The following SEPTIN4 variants were observed in gnomAD, a reference collection of about 807,000 sequenced individuals.
SEPTIN4 encodes the protein septin-4.
SEPTIN4 carries 52 observed loss-of-function variants against 107.1 expected under a neutral mutation model. The ratio of observed to expected loss-of-function variants is 0.49; its 90% CI spans 0.39 to 0.61. The LOEUF (loss-of-function observed/expected upper bound fraction) is 0.61. Ranked by LOEUF, SEPTIN4 falls within the 20% of genes least tolerant of loss-of-function variation. SEPTIN4 has a pLI of 0.00. For synonymous variants in SEPTIN4, 417 were observed against 467.0 expected, an observed-to-expected ratio of 0.89 and a Z score of 1.38; for missense variants, 1,048 against 1,243.5, an observed-to-expected ratio of 0.84 and a Z score of 2.36.
rs1006655062 is a variant in SEPTIN4 at position 58,529,438 on chromosome 17, G to T, written c.1615-2460C>A. 41 of 1,376,382 alleles carry T rather than the reference G, an allele frequency of 3.0e-5. No homozygotes were observed. In the Admixed American group the frequency reaches 1.2e-3, roughly 41 times the overall value. The allele number at this position is 1,376,382 out of a possible 1,614,324, so 85.3% of individuals were successfully genotyped here. On this transcript the variant is annotated intron_variant, in intron 3 of 13. Transcript: ENST00000672673. ...AGCTCAGCTGCAGCAGGATCACTTGGTTCCTCTGCAGTCCCCTCCTCCTCT... is the reference window on the plus strand; with the variant it reads ...AGCTCAGCTGCAGCAGGATCACTTGTTTCCTCTGCAGTCCCCTCCTCCTCT...
At chr17:58,524,836 T>C (rs2144069990) in intron 7 of SEPTIN4, 2 of 441,592 alleles carry the variant, frequency 4.5e-6, no homozygotes, top group East Asian at 8.8e-5. Context: ...TTCTTTCTTA[T>C]GTCCCTACCC....
chr17:58,521,064 T>C lies in SEPTIN4; in HGVS notation c.2765A>G (p.Tyr922Cys). The change falls in exon 12 of 14, where the codon TAT becomes TGT. Residue 922 changes from tyrosine to cysteine, a missense_variant. Around this residue, in one of 2 missense-constraint regions of SEPTIN4, gnomAD observed 261 missense variants for 371.7 expected, o/e 0.70. Coordinates refer to ENST00000672673, the MANE Select transcript of SEPTIN4 (RefSeq NM_001368771.2). The surrounding 1 kb of genome is among the most constrained non-coding windows in gnomAD (Gnocchi z 6.4). ...GATGCACTGTGCCCGGTAGTTCTCA[T>C]AATGTGTCTCCCGTGTCACATCCTT... ...DLKDVTRETH[Y>C]ENYRAQCIQS... The C allele has an allele frequency of 3.1e-6, 5 of 1,614,170 alleles. No individual in the cohort carries two copies. The highest frequency in any genetic ancestry group is 4.2e-6 in the Non-Finnish European group (5 of 1,180,034).
chr17:58,541,647 T>C, intron 2 of SEPTIN4: 1 of 879,012 alleles, frequency 1.1e-6, no homozygotes, highest in Non-Finnish European at 1.7e-6. Flanking sequence ...CCAACTAAGC[T>C]GAAAAGGCCA....
rs2043942621 is a variant in SEPTIN4 at position 58,543,548 on chromosome 17, A to G, written c.639T>C (p.Thr213=). 2 of 1,614,194 alleles carry G rather than the reference A, an allele frequency of 1.2e-6. No individual in the cohort carries two copies. Among genetic ancestry groups the G allele is most frequent in the African/African-American group, 1.3e-5 (1 of 75,042 alleles). Residue 213 remains threonine, a synonymous_variant, in exon 1 of 14, where the codon ACT becomes ACC. Transcript: ENST00000672673. ...QTEPIQRITT[T]SEIRSPRSPS... ...GACTCCTTGGAGATCTGATCTCACT[A>G]GTAGTCGTAATTCTTTGGATGGGCT...
chr17:58,525,899 A>T, intron 5 of SEPTIN4, 118 bp from the exon 6 acceptor site: 1 of 939,958 alleles, frequency 1.1e-6, no homozygotes, highest in Non-Finnish European at 1.6e-6. Context: ...AACTAGACTA[A>T]CCAAACTATA....
chr17:58,543,234 T>G lies in SEPTIN4; in HGVS notation c.953A>C (p.Glu318Ala). ...TCGGATTGGGGTCCTCACGTTGGAC[T>G]CCACCTGTGATGATACTAAGACCTT... Reference protein sequence around the residue: ...SAKVLVSSQVESNVRTPIRGN... With the variant: ...SAKVLVSSQVASNVRTPIRGN... Residue 318 changes from glutamate (E) to alanine (A), a missense_variant, in exon 1 of 14, where the codon GAG (glutamate) becomes GCG (alanine). Coordinates refer to ENST00000672673, the MANE Select transcript of SEPTIN4 (RefSeq NM_001368771.2). 6.2e-7 allele frequency: 1 copy of G among 1,614,126 alleles called. No homozygotes were observed. The highest frequency in any genetic ancestry group is 8.5e-7 in the Non-Finnish European group (1 of 1,180,026).
intron 3 of SEPTIN4, among the ~76,000 whole-genome samples, chr17:58,533,733 G>A (rs1289470368): frequency 6.6e-6 from 1 of 152,210 alleles, no homozygotes; most frequent in African/African-American, 2.4e-5. Flanking sequence ...TTGGAAGTCT[G>A]CAGAAGCAGC....
At chr17:58,529,084 C>T (rs370953990) in intron 3 of SEPTIN4, 33 of 1,611,288 alleles carry the variant, frequency 2.0e-5, no homozygotes, top group South Asian at 5.5e-5. Flanking sequence ...AGACAGGTCA[C>T]GTCCACCCAT....
chr17:58,533,279 A>T (rs1285518109), intron 3 of SEPTIN4, among the ~76,000 whole-genome samples: 1 of 152,192 alleles, frequency 6.6e-6, no homozygotes, highest in Non-Finnish European at 1.5e-5. Flanking sequence ...CAGGGTGTTC[A>T]TGAGCCAGCC....
intron 3 of SEPTIN4, 141 bp from the exon 4 acceptor site, chr17:58,527,119 G>C (rs2042997308): frequency 7.2e-7 from 1 of 1,392,454 alleles, no homozygotes; most frequent in Admixed American, 1.7e-5. Context: ...AGAAACTGCA[G>C]CCAAGACAGA....
Position 58,521,506 on chromosome 17 carries a change from G to A in SEPTIN4, c.2571+39C>T, listed in dbSNP as rs779894326. Reference sequence around the variant, plus strand: ...TTCTACTCCCTTTTTCTACCCGGAAGAAATAAGATAGGAATGGGATGCCCT... The same window carrying A: ...TTCTACTCCCTTTTTCTACCCGGAAAAAATAAGATAGGAATGGGATGCCCT... On this transcript the variant is annotated intron_variant, in intron 10 of 13. Transcript: ENST00000672673. This position sits in a 1 kb window ranked among gnomAD's most constrained non-coding sequence, Gnocchi z 6.4. The A allele has an allele frequency of 1.2e-6, 2 of 1,606,628 alleles. No individual in the cohort carries two copies. The highest frequency in any genetic ancestry group is 8.5e-7 in the Non-Finnish European group (1 of 1,173,538).
intron 2 of SEPTIN4, among the ~76,000 whole-genome samples, chr17:58,541,075 T>C (rs1477276629): frequency 6.6e-6 from 1 of 152,216 alleles, no homozygotes; most frequent in Non-Finnish European, 1.5e-5. Context: ...CCCTACTTTA[T>C]AGAGCTTTGC....
chr17:58,541,981 G>A lies in SEPTIN4; in HGVS notation c.1562-15C>T, dbSNP rs1416194271. On this transcript the variant is annotated splice_polypyrimidine_tract_variant and intron_variant, in intron 1 of 13. Transcript: ENST00000672673. ...CTCAGAGACATCTGAAAGTAACAGAGAGATGGTTGCTTTTCTTCTCTCTGT... is the reference window on the plus strand; with the variant it reads ...CTCAGAGACATCTGAAAGTAACAGAAAGATGGTTGCTTTTCTTCTCTCTGT... 1.2e-6 allele frequency: 2 copies of A among 1,612,930 alleles called. No homozygotes were observed. The highest frequency in any genetic ancestry group is 8.5e-7 in the Non-Finnish European group (1 of 1,179,612).
chr17:58,528,555 C>T lies in SEPTIN4; in HGVS notation c.1615-1577G>A, dbSNP rs141136586. The T allele has an allele frequency of 2.8e-3, 440 of 159,300 alleles. 5 individuals carry two copies. The highest frequency in any genetic ancestry group is 0.016 in the Middle Eastern group (5 of 316). 9.9% of individuals were successfully genotyped at this position (159,300 alleles called of 1,614,324 possible). ...ATACATCCCAGTCTATGCCTGCTGT[C>T]CTGGCATCATGATTAATTGTGCCCT... On this transcript the variant is annotated intron_variant, in intron 3 of 13. Coordinates refer to ENST00000672673, the MANE Select transcript of SEPTIN4 (RefSeq NM_001368771.2).
In SEPTIN4 at chr17:58,526,717, G is replaced by A. The variant is rs750103272; in HGVS notation, c.1876C>T (p.Pro626Ser). The A allele has an allele frequency of 3.7e-6, 6 of 1,603,582 alleles. No homozygotes were observed. Among genetic ancestry groups the A allele is most frequent in the South Asian group, 1.1e-5 (1 of 89,974 alleles). ...TCATAGGGATCAAGCTTGCCCCATG[G>A]GCTGCGGGGCCTGGCAGATGGGCTG... ...PLSPSARPRS[P>S]WGKLDPYDSS... Residue 626 changes from proline (P) to serine (S), a missense_variant, in exon 4 of 14, where the codon CCA becomes TCA. Physicochemically the swap from Pro to Ser is moderately conservative, Grantham distance 74. Transcript: ENST00000672673.
chr17:58,537,710 A>G (rs888037496), intron 3 of SEPTIN4, among the ~76,000 whole-genome samples: 39 of 151,744 alleles, frequency 2.6e-4, no homozygotes, highest in African/African-American at 9.0e-4. Context: ...GGTGCCTGTA[A>G]TCCCAGCTAC....
rs779838958 is a variant in SEPTIN4, at chr17:58,521,296, G to T, written c.2626C>A (p.Arg876=). The change falls in exon 11 of 14, where the codon CGG becomes AGG. Residue 876 remains arginine (R), a synonymous_variant. Transcript: ENST00000672673. This position sits in a 1 kb window ranked among gnomAD's most constrained non-coding sequence, Gnocchi z 6.4. ...GSNTVVEARG[R]RVRGRLYPWG... The stretch of plus-strand genomic sequence containing the variant: ...GGGTAGAGTCGACCCCGAACTCGCC[G>T]CCCTCTGGCCTCTACTACAGTGTTG... 1.2e-6 allele frequency: 2 copies of T among 1,614,156 alleles called. No individual in the cohort carries two copies. The highest frequency in any genetic ancestry group is 1.7e-6 in the Non-Finnish European group (2 of 1,180,020).
intron 5 of SEPTIN4, 46 bp from the exon 6 acceptor site, chr17:58,525,827 A>C: frequency 6.5e-7 from 1 of 1,542,132 alleles, no homozygotes; most frequent in Non-Finnish European, 9.0e-7. Context: ...GGTAAGATCT[A>C]TAGCCAAAAA....
chr17:58,533,629 TACA>T lies in SEPTIN4; in HGVS notation c.1615-6654_1615-6652del, dbSNP rs1430772839. ...TTCCCTGAAAGGGAACCTCTAAAGG[TACA>T]GAGAGGCTCCCGGAAAAGACCTGGG... On this transcript the variant is annotated intron_variant, in intron 3 of 13. Coordinates refer to ENST00000672673, the MANE Select transcript of SEPTIN4 (RefSeq NM_001368771.2). Among the ~76,000 whole-genome samples the T allele has an allele frequency of 9.2e-5, 14 of 152,042 alleles. No homozygotes were observed. In the East Asian group the frequency reaches 2.7e-3, roughly 30 times the overall value.
Sources: gnomAD v4.1 joint callset for allele counts (sites outside exome capture counted in the v4.1 genomes callset) on GRCh38, gnomAD v4.1.1 for gene constraint, gnomAD v4.1.1 regional missense constraint, Gnocchi (gnomAD v3.1) non-coding constraint, MANE v1.5 for transcripts, NCBI Gene and HGNC (gene_info 2026-07-23, HGNC 2026-07-21) for gene names.